The following LRRC3B variants were observed in gnomAD, a reference collection of about 807,000 sequenced individuals.
The protein encoded by LRRC3B is leucine-rich repeat-containing protein 3B.
A neutral mutation model predicts 12.8 loss-of-function variants in LRRC3B; 2 were observed. The observed-to-expected ratio is 0.16, with a 90% CI of 0.06 to 0.49. The LOEUF is 0.49. Among genes scored for constraint, LRRC3B ranks in the 20% least tolerant of loss-of-function variants. The pLI is 0.96. For missense variants in LRRC3B, 189 were observed against 319.4 expected, an observed-to-expected ratio of 0.59 and a Z score of 3.11; for synonymous variants, 132 against 122.0, an observed-to-expected ratio of 1.08 and a Z score of -0.54.
At chr3:26,630,143 A>T (rs1698724895) in intron 1 of LRRC3B, among the ~76,000 whole-genome samples, 1 of 152,204 alleles carries the variant, frequency 6.6e-6, no homozygotes, top group Admixed American at 6.5e-5. Context: ...GACTGAAAGA[A>T]GAGGGCTTAT....
At chr3:26,690,841 T>A (rs1700174042) in intron 1 of LRRC3B, among the ~76,000 whole-genome samples, 1 of 151,950 alleles carries the variant, frequency 6.6e-6, no homozygotes, top group Non-Finnish European at 1.5e-5. Flanking sequence ...AGTTATGTAT[T>A]GGCATAATTA....
intron 1 of LRRC3B, among the ~76,000 whole-genome samples, chr3:26,683,721 A>G (rs544180566): frequency 1.3e-5 from 2 of 152,362 alleles, no homozygotes; most frequent in South Asian, 4.1e-4. Flanking sequence ...CCCATTAGTT[A>G]TCAATTCTTC....
At chr3:26,693,035 T>A (rs929361434) in intron 1 of LRRC3B, among the ~76,000 whole-genome samples, 1 of 152,176 alleles carries the variant, frequency 6.6e-6, no homozygotes, top group East Asian at 1.9e-4. Context: ...GGCAGGGTTC[T>A]AAGATCAAGA....
intron 1 of LRRC3B, among the ~76,000 whole-genome samples, chr3:26,685,312 C>A (rs1700053556): frequency 6.6e-6 from 1 of 151,478 alleles, no homozygotes; most frequent in Non-Finnish European, 1.5e-5. Flanking sequence ...TTTATTTTTG[C>A]CTTCTTGATT....
chr3:26,655,693 A>G (rs985610222), intron 1 of LRRC3B, among the ~76,000 whole-genome samples: 13 of 152,138 alleles, frequency 8.5e-5, no homozygotes, highest in Admixed American at 7.2e-4. Flanking sequence ...CCAATTCATC[A>G]TTATTAACCA....
intron 1 of LRRC3B, among the ~76,000 whole-genome samples, chr3:26,662,191 A>G (rs973735890): frequency 6.6e-6 from 1 of 152,018 alleles, no homozygotes; most frequent in Non-Finnish European, 1.5e-5. Flanking sequence ...AACTTGTCCT[A>G]TCTTATTTTT....
intron 1 of LRRC3B, among the ~76,000 whole-genome samples, chr3:26,661,291 C>A (rs773684028): frequency 2.6e-5 from 4 of 152,260 alleles, no homozygotes; most frequent in Admixed American, 6.5e-5. Context: ...GTAGGTAGAG[C>A]AAGTACCCAT....
At chr3:26,709,969 C>T (rs1334495345) in exon 2 of LRRC3B, 5 of 1,613,974 alleles carry the variant, frequency 3.1e-6, no homozygotes, top group South Asian at 2.2e-5. Context: ...CCAAAAATGG[C>T]ATTGAGTTTA....
chr3:26,630,097 A>G (rs1479956392), intron 1 of LRRC3B, among the ~76,000 whole-genome samples: 2 of 152,204 alleles, frequency 1.3e-5, no homozygotes, highest in South Asian at 2.1e-4. Context: ...CCATAAGAAT[A>G]AGAGAAGACA....
chr3:26,646,569 T>G (rs1699148067), intron 1 of LRRC3B, among the ~76,000 whole-genome samples: 1 of 131,674 alleles, frequency 7.6e-6, no homozygotes, highest in African/African-American at 2.8e-5. Flanking sequence ...AGCTGATTCT[T>G]CAGCCCAGAG....
intron 1 of LRRC3B, among the ~76,000 whole-genome samples, chr3:26,663,440 A>T (rs1699535985): frequency 6.6e-6 from 1 of 152,160 alleles, no homozygotes; most frequent in South Asian, 2.1e-4. Context: ...AAATACTGAA[A>T]AATTCTATAA....
exon 2 of LRRC3B, chr3:26,709,768 T>G: frequency 6.2e-7 from 1 of 1,614,162 alleles, no homozygotes; most frequent in Non-Finnish European, 8.5e-7. Flanking sequence ...ATTCTGCCAG[T>G]ATGTGTCCCA....
chr3:26,675,010 A>G (rs1699828174), intron 1 of LRRC3B, among the ~76,000 whole-genome samples: 1 of 152,092 alleles, frequency 6.6e-6, no homozygotes, highest in South Asian at 2.1e-4. Context: ...AATTGGAAAC[A>G]CCCTGGGGTA....
chr3:26,681,240 A>G (rs1699964695), intron 1 of LRRC3B, among the ~76,000 whole-genome samples: 2 of 152,228 alleles, frequency 1.3e-5, no homozygotes, highest in South Asian at 4.1e-4. Context: ...AATTGTATTA[A>G]TGAACATAAT....
At chr3:26,678,501 G>GAAAAAA in intron 1 of LRRC3B, among the ~76,000 whole-genome samples, 1 of 144,906 alleles carries the variant, frequency 6.9e-6, no homozygotes. Flanking sequence ...CTCAAAAAAC[G>GAAAAAA]AAAAAAAAAA....
chr3:26,683,647 A>G (rs140506597), intron 1 of LRRC3B, among the ~76,000 whole-genome samples: 13 of 152,304 alleles, frequency 8.5e-5, no homozygotes, highest in African/African-American at 3.1e-4. Context: ...GTTGCACCCT[A>G]TTGAAACAAT....
At chr3:26,702,980 T>C (rs1575179144) in intron 1 of LRRC3B, among the ~76,000 whole-genome samples, 1 of 152,164 alleles carries the variant, frequency 6.6e-6, no homozygotes, top group Admixed American at 6.5e-5. Context: ...CTGTAGTAGA[T>C]GGTTGAGAAT....
At chr3:26,626,002 C>A (rs1698616845) in intron 1 of LRRC3B, among the ~76,000 whole-genome samples, 1 of 152,166 alleles carries the variant, frequency 6.6e-6, no homozygotes, top group South Asian at 2.1e-4. Flanking sequence ...TACTCCCAGC[C>A]CTATTTGGTA....
At chr3:26,646,598 T>TAAAAAAAAA (rs529066996) in intron 1 of LRRC3B, among the ~76,000 whole-genome samples, 4 of 99,654 alleles carry the variant, frequency 4.0e-5, no homozygotes, top group South Asian at 4.1e-4. Flanking sequence ...GGATAGGAGG[T>TAAAAAAAAA]AAAAAAAAAA....
Sources: allele counts gnomAD v4.1 joint callset (sites outside exome capture counted in the v4.1 genomes callset), GRCh38; gene constraint gnomAD v4.1.1; transcripts MANE v1.5; gene names NCBI Gene and HGNC (gene_info 2026-07-23, HGNC 2026-07-21).